Variants in NEK5 observed in about 807,000 individuals in gnomAD.
The protein encoded by NEK5 is serine/threonine-protein kinase Nek5.
In NEK5, 88 loss-of-function variants were observed where a neutral mutation model predicts 109.2. That is an observed-to-expected ratio of 0.81 (90% confidence interval 0.68 to 0.96). The LOEUF (loss-of-function observed/expected upper bound fraction) is 0.96. Among genes scored for constraint, NEK5 ranks in the 40% least tolerant of loss-of-function variants. The pLI is 0.00. For missense variants in NEK5, 834 were observed against 920.7 expected, an observed-to-expected ratio of 0.91 and a Z score of 1.22; for synonymous variants, 283 against 299.9, an observed-to-expected ratio of 0.94 and a Z score of 0.58.
Position 52,043,552 on chromosome 13 carries a change from GAAAGAA to G in NEK5, c.2229-6340_2229-6335del, listed in dbSNP as rs1333450551. On this transcript the variant is annotated intron_variant, in intron 23 of 23. Coordinates refer to ENST00000684899, the MANE Select transcript of NEK5 (RefSeq NM_001365552.1). ...ACTCCATCTCAAAAAAAAAAAAAAA[GAAAGAA>G]AAAGAAAAAGAAAAGAAAAAAAAGT... Among the ~76,000 whole-genome samples the G allele has an allele frequency of 6.6e-5, 9 of 135,588 alleles. No homozygotes were observed. In the South Asian group the frequency reaches 9.4e-4, roughly 14 times the overall value. 89.0% of individuals were successfully genotyped at this position (135,588 alleles called of 152,430 possible). A position where few individuals can be genotyped will look rare whatever the true frequency, so the allele number is the denominator to read the frequency against.
intron 3 of NEK5, among the ~76,000 whole-genome samples, chr13:52,121,639 T>A (rs1344094889): frequency 6.6e-6 from 1 of 152,186 alleles, no homozygotes; most frequent in African/African-American, 2.4e-5. Flanking sequence ...CCTCTTTCTT[T>A]CTCATCTAGC....
At chr13:52,121,307 C>T (rs1394086067) in intron 3 of NEK5, among the ~76,000 whole-genome samples, 1 of 151,976 alleles carries the variant, frequency 6.6e-6, no homozygotes, top group Non-Finnish European at 1.5e-5. Context: ...CACAGGCAAG[C>T]ACCATCATAC....
intron 8 of NEK5, among the ~76,000 whole-genome samples, chr13:52,106,980 T>A (rs1955668017): frequency 6.6e-6 from 1 of 152,094 alleles, no homozygotes. Context: ...CAGTGAGCGG[T>A]CACCAGACCA....
chr13:52,072,855 G>A (rs1015869021), intron 19 of NEK5, among the ~76,000 whole-genome samples: 6 of 152,194 alleles, frequency 3.9e-5, no homozygotes, highest in Admixed American at 1.3e-4. Context: ...GGTGAATTCA[G>A]AAAAGGTAAA....
At chr13:52,071,901 T>TAAA in intron 20 of NEK5, 43 bp downstream of exon 20, 4 of 1,596,768 alleles carry the variant, frequency 2.5e-6, no homozygotes, top group Non-Finnish European at 3.4e-6. Context: ...GGGTTGCTAA[T>TAAA]AAAACAGTTC....
At chr13:52,059,965 TA>T (rs1289359144) in intron 22 of NEK5, among the ~76,000 whole-genome samples, 7 of 150,846 alleles carry the variant, frequency 4.6e-5, no homozygotes, top group East Asian at 1.9e-4. Flanking sequence ...AATAAAAAAA[TA>T]AAAAAATAAT....
At chr13:52,066,089 T>TTG (rs1954686885) in intron 20 of NEK5, among the ~76,000 whole-genome samples, 1 of 152,232 alleles carries the variant, frequency 6.6e-6, no homozygotes, top group Non-Finnish European at 1.5e-5. Context: ...CATATGGTTT[T>TTG]TGCTTTGTTT....
chr13:52,062,006 A>G (rs1199557440), intron 21 of NEK5, 53 bp from the exon 22 acceptor site: 2 of 199,104 alleles, frequency 1.0e-5, no homozygotes, highest in Admixed American at 6.5e-5. Context: ...TGGCATTTGT[A>G]TAAGATCAAA....
chr13:52,089,093 A>ATACAACAAC (rs1555312686), intron 14 of NEK5, among the ~76,000 whole-genome samples, 154 bp downstream of exon 14: 1 of 150,918 alleles, frequency 6.6e-6, no homozygotes, highest in Non-Finnish European at 1.5e-5. Context: ...CTGTCTCAGA[A>ATACAACAAC]AACAACAACA....
intron 19 of NEK5, 87 bp downstream of exon 19, chr13:52,075,671 G>T: frequency 1.2e-6 from 1 of 835,828 alleles, no homozygotes; most frequent in Non-Finnish European, 1.9e-6. Flanking sequence ...TATCCCTACA[G>T]CCTGTGAAAT....
intron 17 of NEK5, among the ~76,000 whole-genome samples, chr13:52,082,556 C>T (rs1456449014): frequency 6.6e-6 from 1 of 152,104 alleles, no homozygotes; most frequent in African/African-American, 2.4e-5. Flanking sequence ...ATTATAATTG[C>T]ATTATCTTTT....
At chr13:52,042,292 C>A (rs569194664) in intron 23 of NEK5, among the ~76,000 whole-genome samples, 1 of 150,662 alleles carries the variant, frequency 6.6e-6, no homozygotes, top group Non-Finnish European at 1.5e-5. Context: ...AGGGAAAGCA[C>A]GGGATAGGAA....
At chr13:52,039,017 G>A (rs557458536) in intron 23 of NEK5, among the ~76,000 whole-genome samples, 2 of 152,218 alleles carry the variant, frequency 1.3e-5, no homozygotes, top group South Asian at 2.1e-4. Flanking sequence ...CAGGAGACAG[G>A]TGGAATAACC....
chr13:52,047,423 G>T (rs1954468944), intron 23 of NEK5, among the ~76,000 whole-genome samples: 1 of 152,190 alleles, frequency 6.6e-6, no homozygotes, highest in Admixed American at 6.5e-5. Flanking sequence ...ACAAGAAGCA[G>T]ATTAGATTGG....
At chr13:52,095,859 A>G (rs1007869169) in intron 12 of NEK5, among the ~76,000 whole-genome samples, 1 of 152,070 alleles carries the variant, frequency 6.6e-6, no homozygotes, top group Non-Finnish European at 1.5e-5. Context: ...TGGGAGGTCG[A>G]GTGATATGCT....
chr13:52,112,163 AAC>A (rs1198935470), intron 5 of NEK5, 103 bp downstream of exon 5: 3 of 540,876 alleles, frequency 5.5e-6, no homozygotes, highest in Non-Finnish European at 6.5e-6. Flanking sequence ...TGTCTACCAA[AAC>A]ACATGCTTTA....
At chr13:52,101,195 G>A (rs191442930) in intron 11 of NEK5, among the ~76,000 whole-genome samples, 214 of 152,136 alleles carry the variant, frequency 1.4e-3, no homozygotes, top group Admixed American at 4.0e-3. Flanking sequence ...TCCGGAGATC[G>A]AGACCATCCT....
At chr13:52,041,168 C>G (rs1954409949) in intron 23 of NEK5, among the ~76,000 whole-genome samples, 1 of 152,074 alleles carries the variant, frequency 6.6e-6, no homozygotes, top group African/African-American at 2.4e-5. Flanking sequence ...AATGGTAAGA[C>G]AGATGGCATA....
chr13:52,042,794 T>A (rs991695673), intron 23 of NEK5, among the ~76,000 whole-genome samples: 2 of 152,050 alleles, frequency 1.3e-5, no homozygotes, highest in Non-Finnish European at 2.9e-5. Context: ...ATATAATCTG[T>A]ATCTTCAAAA....
Sources: gnomAD v4.1 joint callset for allele counts (sites outside exome capture counted in the v4.1 genomes callset) on GRCh38, gnomAD v4.1.1 for gene constraint, MANE v1.5 for transcripts, NCBI Gene and HGNC (gene_info 2026-07-23, HGNC 2026-07-21) for gene names.